SEMA6D: variants seen among roughly 807,000 people sequenced by gnomAD.
The protein encoded by SEMA6D is semaphorin-6D.
A neutral mutation model predicts 106.6 loss-of-function variants in SEMA6D; 35 were observed. That is an observed-to-expected ratio of 0.33 (90% CI 0.25 to 0.44). SEMA6D has a LOEUF of 0.44. SEMA6D is among the 20% of genes least tolerant of loss of function. The pLI is 1.00. For synonymous variants in SEMA6D, 499 were observed against 487.7 expected, an observed-to-expected ratio of 1.02 and a Z score of -0.31; for missense variants, 1,185 against 1,345.9, an observed-to-expected ratio of 0.88 and a Z score of 1.87.
chr15:47,307,613 A>G (rs868204918), intron 1 of SEMA6D, among the ~76,000 whole-genome samples: 4 of 152,182 alleles, frequency 2.6e-5, no homozygotes, highest in Non-Finnish European at 5.9e-5. Context: ...ATTTCAGAAC[A>G]TAAAGTGGGG....
chr15:47,577,579 C>T (rs560843262), intron 3 of SEMA6D, among the ~76,000 whole-genome samples: 15 of 152,286 alleles, frequency 9.8e-5, no homozygotes, highest in African/African-American at 3.4e-4. Context: ...TTCCCTCCCT[C>T]GAGGGACTGA....
chr15:47,357,646 A>G (rs937766349), intron 1 of SEMA6D, among the ~76,000 whole-genome samples: 1 of 152,100 alleles, frequency 6.6e-6, no homozygotes, highest in Non-Finnish European at 1.5e-5. Flanking sequence ...GCCTGCTTAC[A>G]TTCTAGCCGT....
chr15:47,552,788 AT>A (rs202124574), intron 3 of SEMA6D, among the ~76,000 whole-genome samples: 18,768 of 55,350 alleles, frequency 0.34, 3,628 homozygotes, highest in African/African-American at 0.46. Flanking sequence ...GTTTATATAT[AT>A]TTTTATATAT....
chr15:47,750,590 C>T (rs1207971430), intron 1 of SEMA6D, among the ~76,000 whole-genome samples: 2 of 152,210 alleles, frequency 1.3e-5, no homozygotes, highest in Non-Finnish European at 2.9e-5. Flanking sequence ...ATGCACATTT[C>T]ACAGATTCTG....
intron 3 of SEMA6D, among the ~76,000 whole-genome samples, chr15:47,575,025 A>G (rs747413635): frequency 4.1e-4 from 62 of 152,242 alleles, no homozygotes; most frequent in Non-Finnish European, 7.9e-4. Flanking sequence ...TGTTTACAAA[A>G]TGAGAGGACT....
intron 1 of SEMA6D, among the ~76,000 whole-genome samples, chr15:47,411,126 C>T (rs1490508698): frequency 6.6e-6 from 1 of 151,858 alleles, no homozygotes; most frequent in Non-Finnish European, 1.5e-5. Flanking sequence ...GACAGAGTCT[C>T]ACTCTGTTGC....
At chr15:47,336,224 T>G (rs1265731715) in intron 1 of SEMA6D, among the ~76,000 whole-genome samples, 1 of 152,200 alleles carries the variant, frequency 6.6e-6, no homozygotes, top group East Asian at 1.9e-4. Flanking sequence ...TACCTGATTG[T>G]GTCGTGGGAA....
chr15:47,564,764 G>A (rs575722350), intron 3 of SEMA6D, among the ~76,000 whole-genome samples: 2 of 152,166 alleles, frequency 1.3e-5, no homozygotes, highest in South Asian at 4.2e-4. Context: ...CTAGAATGTT[G>A]CCTTTTCCTA....
At position 47,283,273 on chromosome 15, in the gene SEMA6D, C is replaced by T. The variant is rs554240623; in HGVS notation, c.-239+98855C>T. 7.9e-5 allele frequency among the ~76,000 whole-genome samples: 12 copies of T among 152,202 alleles called. No homozygotes were observed. In the South Asian group the frequency reaches 2.1e-3, roughly 26 times the overall value. On this transcript the variant is annotated intron_variant, in intron 1 of 19. Coordinates refer to the SEMA6D transcript ENST00000558014. ...CAATCAGCAGAAGGAAAAGTATATG[C>T]GTACATGTGTGTGTATATGTTTTTT...
rs76984913 is a variant in SEMA6D, at chr15:47,516,234, A to G, written c.-87+45689A>G. The stretch of plus-strand genomic sequence containing the variant: ...TTTTGGCACCTAGCTACCTCAATGT[A>G]AACTTATCTCATTAGTATGCTGAAC... On this transcript the variant is annotated intron_variant, in intron 3 of 19. Transcript: ENST00000558014. Among the ~76,000 whole-genome samples, 513 of 152,310 alleles carry G rather than the reference A, an allele frequency of 3.4e-3. 2 individuals carry two copies. Among genetic ancestry groups the G allele is most frequent in the African/African-American group, 0.012 (498 of 41,586 alleles).
At chr15:47,535,558 T>C (rs901388460) in intron 3 of SEMA6D, among the ~76,000 whole-genome samples, 1 of 152,026 alleles carries the variant, frequency 6.6e-6, no homozygotes, top group Non-Finnish European at 1.5e-5. Context: ...AAGCACCTAC[T>C]GTACATAAGA....
At chr15:47,242,128 G>C (rs2032949683) in intron 1 of SEMA6D, among the ~76,000 whole-genome samples, 1 of 152,074 alleles carries the variant, frequency 6.6e-6, no homozygotes, top group African/African-American at 2.4e-5. Flanking sequence ...ACAGTGTTCT[G>C]ACTATAACAG....
intron 14 of SEMA6D, 21 bp from the exon 15 acceptor site, chr15:47,766,084 A>G (rs1422062710): frequency 5.0e-6 from 8 of 1,613,214 alleles, no homozygotes; most frequent in South Asian, 1.1e-5. Context: ...TCCAAGTTAC[A>G]TTCTGTTTGG....
chr15:47,651,554 G>A (rs2077691676), intron 4 of SEMA6D, among the ~76,000 whole-genome samples: 1 of 152,200 alleles, frequency 6.6e-6, no homozygotes, highest in Admixed American at 6.5e-5. Flanking sequence ...ATCCTTGCTT[G>A]TGAATCTTAA....
chr15:47,509,106 G>GA (rs1255708259), intron 3 of SEMA6D, among the ~76,000 whole-genome samples: 1 of 152,080 alleles, frequency 6.6e-6, no homozygotes, highest in African/African-American at 2.4e-5. Context: ...CTCATCATGG[G>GA]AATCTGGTAA....
chr15:47,681,811 A>G (rs2078358707), intron 4 of SEMA6D, among the ~76,000 whole-genome samples: 1 of 152,206 alleles, frequency 6.6e-6, no homozygotes. Flanking sequence ...AAGTAGATGT[A>G]TTGTTGTTAT....
chr15:47,296,660 A>G (rs1451746556), intron 1 of SEMA6D, among the ~76,000 whole-genome samples: 71 of 152,252 alleles, frequency 4.7e-4, no homozygotes, highest in Non-Finnish European at 8.8e-5. Flanking sequence ...AAGATGGGAT[A>G]TAATCTGGTG....
intron 1 of SEMA6D, among the ~76,000 whole-genome samples, chr15:47,215,330 T>A (rs1008728446): frequency 1.4e-4 from 22 of 151,898 alleles, no homozygotes; most frequent in Non-Finnish European, 2.9e-4. Context: ...TCAAGGATGC[T>A]TTTCTTTGTC....
chr15:47,401,710 A>G (rs1441821143), intron 1 of SEMA6D, among the ~76,000 whole-genome samples: 1 of 152,118 alleles, frequency 6.6e-6, no homozygotes, highest in Non-Finnish European at 1.5e-5. Flanking sequence ...TGTTCTCACC[A>G]TTTCTAGTGC....
Sources: allele counts gnomAD v4.1 joint callset (sites outside exome capture counted in the v4.1 genomes callset), GRCh38; gene constraint gnomAD v4.1.1; transcripts MANE v1.5; gene names NCBI Gene and HGNC (gene_info 2026-07-23, HGNC 2026-07-21).